SSR3: variants seen among roughly 807,000 people sequenced by gnomAD.
SSR3 encodes translocon-associated protein subunit gamma.
In SSR3, 10 loss-of-function variants were observed where a neutral mutation model predicts 22.1. The ratio of observed to expected loss-of-function variants is 0.45; its 90% CI spans 0.28 to 0.77. The LOEUF is 0.77. Ranked by LOEUF, SSR3 falls within the 30% of genes least tolerant of loss-of-function variation. The pLI, the probability that SSR3 is intolerant of heterozygous loss-of-function variation, is 0.13. For synonymous variants in SSR3, 104 were observed against 82.5 expected (o/e 1.26, Z -1.42); for missense variants, 181 against 220.5 (o/e 0.82, Z 1.13).
At chr3:156,547,893 G>C (rs1255720051) in intron 3 of SSR3, among the ~76,000 whole-genome samples, 4 of 152,164 alleles carry the variant, frequency 2.6e-5, no homozygotes, top group Non-Finnish European at 4.4e-5. Context: ...ACTAAGTTCA[G>C]TGCTCAGTTG....
chr3:156,545,330 T>C (rs1719722937), intron 3 of SSR3, among the ~76,000 whole-genome samples: 1 of 152,242 alleles, frequency 6.6e-6, no homozygotes, highest in Admixed American at 6.5e-5. Flanking sequence ...AGGATAATTA[T>C]CGTTTTATGA....
chr3:156,549,262 GAATT>G (rs1368618812), intron 2 of SSR3, among the ~76,000 whole-genome samples: 3 of 152,150 alleles, frequency 2.0e-5, no homozygotes, highest in African/African-American at 7.2e-5. Flanking sequence ...CACAGTTTAG[GAATT>G]AATGTGGTTA....
intron 2 of SSR3, among the ~76,000 whole-genome samples, chr3:156,550,811 A>T (rs1344789639): frequency 6.6e-6 from 1 of 152,246 alleles, no homozygotes; most frequent in Non-Finnish European, 1.5e-5. Context: ...TCAACCCTGC[A>T]CATAAACATT....
intron 3 of SSR3, among the ~76,000 whole-genome samples, chr3:156,545,551 A>AT (rs1719729824): frequency 6.6e-6 from 1 of 152,210 alleles, no homozygotes; most frequent in Admixed American, 6.5e-5. Flanking sequence ...CATTATATTC[A>AT]TTAAGTATAC....
rs1372301167 is a variant in SSR3 at position 156,546,713 on chromosome 3, T to C, written c.359+2192A>G. Among the ~76,000 whole-genome samples the C allele has an allele frequency of 1.1e-4, 16 of 152,172 alleles. No homozygotes were observed. The South Asian group carries it at 1.5e-3, about 14-fold the overall frequency. On this transcript the variant is annotated intron_variant, in intron 3 of 4. Coordinates refer to ENST00000265044, the MANE Select transcript of SSR3 (RefSeq NM_007107.5). Reference sequence around the variant, plus strand: ...GCACTTCTCAATATCTTAAGGATGTTTTCAGGAAGAGCTTCCTACAAGAGA... The same window carrying C: ...GCACTTCTCAATATCTTAAGGATGTCTTCAGGAAGAGCTTCCTACAAGAGA...
At position 156,543,054 on chromosome 3, in the gene SSR3, A is replaced by C. The variant is rs1326027987; in HGVS notation, c.*149T>G. 1 of 522,812 alleles carries C rather than the reference A, an allele frequency of 1.9e-6. No homozygotes were observed. Among genetic ancestry groups the C allele is most frequent in the African/African-American group, 1.9e-5 (1 of 52,614 alleles). 32.4% of individuals were successfully genotyped at this position (522,812 alleles called of 1,614,324 possible). A position where few individuals can be genotyped will look rare whatever the true frequency, so the allele number is the denominator to read the frequency against. On this transcript the variant is annotated 3_prime_UTR_variant, in exon 5 of 5. Transcript: ENST00000265044. ...AACAATCTGTCAAAAAACAGCCAAT[A>C]AACAAATACTGAATTACATTCTGCT...
intron 2 of SSR3, 80 bp from the exon 3 acceptor site, chr3:156,549,083 T>C: frequency 2.2e-6 from 3 of 1,374,226 alleles, no homozygotes; most frequent in Non-Finnish European, 2.9e-6. Flanking sequence ...CACACCGTAC[T>C]CATATTTCGT....
rs987998050 is a variant in SSR3, at chr3:156,539,572, T to C, written c.*3631A>G. On this transcript the variant is annotated 3_prime_UTR_variant, in exon 5 of 5. Transcript: ENST00000265044. The stretch of plus-strand genomic sequence containing the variant: ...GATAAGTCAGCGAAAAGATGATATA[T>C]TGAAAATTCATGAAGGCCAACGAGA... 5.9e-5 allele frequency among the ~76,000 whole-genome samples: 9 copies of C among 152,180 alleles called. No homozygotes were observed. The highest frequency in any genetic ancestry group is 2.0e-4 in the Admixed American group (3 of 15,284).
intron 4 of SSR3, 145 bp from the exon 5 acceptor site, chr3:156,543,414 C>T (rs981885588): frequency 2.9e-5 from 16 of 545,360 alleles, no homozygotes; most frequent in Middle Eastern, 3.4e-4. Context: ...TGTCTGCAAA[C>T]ACAATTTGCA....
At chr3:156,553,358 A>T (rs1264343164) in intron 2 of SSR3, among the ~76,000 whole-genome samples, 5 of 152,186 alleles carry the variant, frequency 3.3e-5, no homozygotes, top group Admixed American at 3.3e-4. Flanking sequence ...TAGCTTCTGA[A>T]ATGTTAACTT....
chr3:156,543,307 C>A, intron 4 of SSR3, 38 bp from the exon 5 acceptor site: 1 of 1,570,008 alleles, frequency 6.4e-7, no homozygotes, highest in East Asian at 2.3e-5. Context: ...ATGAGTAACT[C>A]CAAATTGGTT....
chr3:156,545,001 CCTT>C (rs1254885721), intron 3 of SSR3, among the ~76,000 whole-genome samples: 1 of 152,112 alleles, frequency 6.6e-6, no homozygotes, highest in Non-Finnish European at 1.5e-5. Context: ...CCTGTAAAAT[CCTT>C]CTACTTTTTA....
intron 2 of SSR3, 41 bp downstream of exon 2, chr3:156,553,614 A>G: frequency 6.3e-7 from 1 of 1,581,828 alleles, no homozygotes. Context: ...ATATAAAAAT[A>G]TAACATGTAG....
At position 156,553,730 on chromosome 3, in the gene SSR3, T is replaced by C. The variant is rs1577004242; in HGVS notation, c.185A>G (p.Tyr62Cys). The C allele has an allele frequency of 1.2e-6, 2 of 1,613,018 alleles. No homozygotes were observed. Among genetic ancestry groups the C allele is most frequent in the Non-Finnish European group, 8.5e-7 (1 of 1,179,786 alleles). Residue 62 changes from tyrosine to cysteine, a missense_variant, in exon 2 of 5, where the codon TAT becomes TGT. Tyr to Cys is a radical substitution (Grantham distance 194, BLOSUM62 -2). Transcript: ENST00000265044. ...TGTGCTTACTAGGGTCATCACACTATACAAAACAGCAGACTGAATAAGATC... is the reference window on the plus strand; with the variant it reads ...TGTGCTTACTAGGGTCATCACACTACACAAAACAGCAGACTGAATAAGATC... The part of the protein sequence containing the change: ...HMDLIQSAVL[Y>C]SVMTLVSTYL...
chr3:156,553,842 A>C (rs1328532132), intron 1 of SSR3, 61 bp from the exon 2 acceptor site: 1 of 1,510,946 alleles, frequency 6.6e-7, no homozygotes, highest in Non-Finnish European at 8.9e-7. Context: ...ACCCCGCAAC[A>C]AAAGCCTGCG....
Position 156,540,938 on chromosome 3 carries a change from A to C in SSR3, c.*2265T>G, listed in dbSNP as rs1164360689. 1 of 152,226 alleles carries C rather than the reference A, an allele frequency of 6.6e-6. No individual in the cohort carries two copies. The highest frequency in any genetic ancestry group is 1.5e-5 in the Non-Finnish European group (1 of 68,046). 9.4% of individuals were successfully genotyped at this position (152,226 alleles called of 1,614,324 possible). ...CTCACAGTAAAGTACTCACACAGTA[A>C]ATCCTTAACGAAAACTACTGAACTG... On this transcript the variant is annotated 3_prime_UTR_variant, in exon 5 of 5. Coordinates refer to ENST00000265044, the MANE Select transcript of SSR3 (RefSeq NM_007107.5).
Position 156,544,625 on chromosome 3 carries a change from C to T in SSR3, c.360-186G>A, listed in dbSNP as rs1490671324. 2.0e-5 allele frequency among the ~76,000 whole-genome samples: 3 copies of T among 152,054 alleles called. No individual in the cohort carries two copies. In the East Asian group the frequency reaches 5.8e-4, roughly 29 times the overall value. On this transcript the variant is annotated intron_variant, in intron 3 of 4. Coordinates refer to ENST00000265044, the MANE Select transcript of SSR3 (RefSeq NM_007107.5). Reference sequence around the variant, plus strand: ...TTCCACTGAAAAAAAATATGTCACTCTATGATAGTGAAGAAAACATCATGC... The same window carrying T: ...TTCCACTGAAAAAAAATATGTCACTTTATGATAGTGAAGAAAACATCATGC...
rs980685981 is a variant in SSR3 at position 156,541,822 on chromosome 3, T to A, written c.*1381A>T. Reference sequence around the variant, plus strand: ...TATAATTCTCAGTTGCAGAAAATGATGATCTGGGTCATTATGCAAATGCAT... The same window carrying A: ...TATAATTCTCAGTTGCAGAAAATGAAGATCTGGGTCATTATGCAAATGCAT... On this transcript the variant is annotated 3_prime_UTR_variant, in exon 5 of 5. Coordinates refer to ENST00000265044, the MANE Select transcript of SSR3 (RefSeq NM_007107.5). 6.6e-6 allele frequency: 1 copy of A among 152,204 alleles called. No individual in the cohort carries two copies. Among genetic ancestry groups the A allele is most frequent in the African/African-American group, 2.4e-5 (1 of 41,448 alleles). 9.4% of individuals were successfully genotyped at this position (152,204 alleles called of 1,614,324 possible). A position where few individuals can be genotyped will look rare whatever the true frequency, so the allele number is the denominator to read the frequency against.
At chr3:156,549,105 AATG>A (rs768670145) in intron 2 of SSR3, 102 bp from the exon 3 acceptor site, 32 of 1,145,554 alleles carry the variant, frequency 2.8e-5, no homozygotes, top group Middle Eastern at 5.5e-4. Flanking sequence ...CTGGCAACAG[AATG>A]ATATTTCACA....
Sources: gnomAD v4.1 joint callset for allele counts (sites outside exome capture counted in the v4.1 genomes callset) on GRCh38, gnomAD v4.1.1 for gene constraint, MANE v1.5 for transcripts, NCBI Gene and HGNC (gene_info 2026-07-23, HGNC 2026-07-21) for gene names.